ZNF420: variants seen among roughly 807,000 people sequenced by gnomAD.
ZNF420 encodes the protein zinc finger protein 420.
In ZNF420, 31 loss-of-function variants were observed where a neutral mutation model predicts 44.7. The observed-to-expected ratio is 0.69, with a 90% CI of 0.52 to 0.94. The LOEUF (loss-of-function observed/expected upper bound fraction) is 0.94. ZNF420 is among the 40% of genes least tolerant of loss of function. The pLI is 0.00. For synonymous variants in ZNF420, 245 were observed against 267.4 expected (o/e 0.92, Z 0.82); for missense variants, 681 against 827.9 (o/e 0.82, Z 2.18).
At chr19:37,018,434 TAATC>T (rs1020304236) in intron 1 of ZNF420, among the ~76,000 whole-genome samples, 7 of 152,150 alleles carry the variant, frequency 4.6e-5, no homozygotes, top group Non-Finnish European at 7.3e-5. Flanking sequence ...AGTCCAATAT[TAATC>T]AATGCATATA....
chr19:37,117,364 C>A (rs192390894), intron 4 of ZNF420, among the ~76,000 whole-genome samples: 395 of 152,346 alleles, frequency 2.6e-3, no homozygotes, highest in African/African-American at 9.2e-3. Flanking sequence ...CAAACAGGGT[C>A]TGGAGTGGAC....
chr19:37,116,551 G>T (rs1468169029), intron 4 of ZNF420, among the ~76,000 whole-genome samples: 2 of 152,224 alleles, frequency 1.3e-5, no homozygotes, highest in South Asian at 4.2e-4. Flanking sequence ...GGTGATTTCT[G>T]CATTTCCATC....
intron 1 of ZNF420, among the ~76,000 whole-genome samples, chr19:37,014,786 C>T (rs961150828): frequency 3.3e-5 from 5 of 152,196 alleles, no homozygotes; most frequent in Non-Finnish European, 7.4e-5. Context: ...CAGGAGCCCT[C>T]TGTGGCAGTG....
chr19:37,104,163 T>G (rs7253730), intron 4 of ZNF420, among the ~76,000 whole-genome samples: 77,822 of 136,172 alleles, frequency 0.57, 22,386 homozygotes, highest in African/African-American at 0.72. Flanking sequence ...ACAGGCTCCA[T>G]TGTGTGATGT....
At chr19:37,085,422 A>G (rs1230134098) in intron 2 of ZNF420, among the ~76,000 whole-genome samples, 3 of 152,128 alleles carry the variant, frequency 2.0e-5, no homozygotes, top group Non-Finnish European at 2.9e-5. Context: ...CTAAAATCCT[A>G]TGTGTGGGTT....
intron 2 of ZNF420, among the ~76,000 whole-genome samples, chr19:37,081,958 T>C (rs1968489963): frequency 6.6e-6 from 1 of 152,110 alleles, no homozygotes; most frequent in Non-Finnish European, 1.5e-5. Flanking sequence ...TTGTCCCTCA[T>C]AATATTCTTT....
chr19:37,066,215 G>C (rs1345059921), intron 1 of ZNF420, among the ~76,000 whole-genome samples: 1 of 152,160 alleles, frequency 6.6e-6, no homozygotes, highest in South Asian at 2.1e-4. Flanking sequence ...GGCTGCGGCG[G>C]GTGGATCACC....
In ZNF420 at chr19:37,130,183, A is replaced by G. The variant is rs1971589302; in HGVS notation, c.*1125A>G. The G allele has an allele frequency of 1.9e-6, 3 of 1,550,354 alleles. No homozygotes were observed. The highest frequency in any genetic ancestry group is 2.6e-6 in the Non-Finnish European group (3 of 1,146,916). ...CTCTCATGGGGACTTTGAGAATGGT[A>G]TCTGGGTGTTATGGATCATGGAGCA... On this transcript the variant is annotated 3_prime_UTR_variant, in exon 5 of 5. Transcript: ENST00000337995.
At chr19:37,032,961 G>A (rs1329943089) in intron 1 of ZNF420, among the ~76,000 whole-genome samples, 1 of 152,132 alleles carries the variant, frequency 6.6e-6, no homozygotes, top group Non-Finnish European at 1.5e-5. Flanking sequence ...TATAGGAAGA[G>A]AATTAGAAAA....
rs1347914303 is a variant in ZNF420, at chr19:37,078,550, C to T, written c.-145C>T. On this transcript the variant is annotated 5_prime_UTR_variant, in exon 1 of 5. Transcript: ENST00000337995. ...GAACCCGGGAGCCAGATCTTGGACC[C>T]TGAACTGCACCTCTGTCAAGGTAGG... 12 of 152,320 alleles carry T rather than the reference C, an allele frequency of 7.9e-5. No homozygotes were observed. The highest frequency in any genetic ancestry group is 2.9e-4 in the African/African-American group (12 of 41,472). The allele number at this position is 152,320 out of a possible 1,614,324, so 9.4% of individuals were successfully genotyped here.
At chr19:37,076,627 G>T (rs937805818), upstream of ZNF420, among the ~76,000 whole-genome samples, 1 of 152,076 alleles carries the variant, frequency 6.6e-6, no homozygotes, top group Non-Finnish European at 1.5e-5. Flanking sequence ...TGTGGTGTTT[G>T]GTTTTCTGTC....
intron 4 of ZNF420, chr19:37,106,835 G>A (rs1453312270): frequency 2.0e-5 from 3 of 152,200 alleles, no homozygotes; most frequent in Non-Finnish European, 4.4e-5. Context: ...AGAGGGGGAT[G>A]TGGCAGGACA....
upstream of ZNF420, among the ~76,000 whole-genome samples, chr19:37,076,074 A>G (rs1402929081): frequency 1.3e-5 from 2 of 152,192 alleles, no homozygotes; most frequent in African/African-American, 2.4e-5. Flanking sequence ...AAAAAATCAC[A>G]TATCAACACA....
At chr19:37,075,837 TTC>T (rs1968137642), upstream of ZNF420, among the ~76,000 whole-genome samples, 1 of 152,114 alleles carries the variant, frequency 6.6e-6, no homozygotes, top group Non-Finnish European at 1.5e-5. Context: ...TGACATTTAC[TTC>T]TCCCCCTTTA....
At chr19:37,099,469 G>C (rs1339687691) in intron 4 of ZNF420, among the ~76,000 whole-genome samples, 1 of 152,092 alleles carries the variant, frequency 6.6e-6, no homozygotes, top group Non-Finnish European at 1.5e-5. Context: ...TTTGCCATTT[G>C]TATGTCTTGA....
Position 37,130,174 on chromosome 19 carries a change from G to C in ZNF420, c.*1116G>C, listed in dbSNP as rs1568486628. On this transcript the variant is annotated 3_prime_UTR_variant, in exon 5 of 5. Transcript: ENST00000337995. ...GCTCCGTTACTCTCATGGGGACTTTGAGAATGGTATCTGGGTGTTATGGAT... is the reference window on the plus strand; with the variant it reads ...GCTCCGTTACTCTCATGGGGACTTTCAGAATGGTATCTGGGTGTTATGGAT... 3 of 1,550,264 alleles carry C rather than the reference G, an allele frequency of 1.9e-6. No individual in the cohort carries two copies. The highest frequency in any genetic ancestry group is 1.2e-5 in the South Asian group (1 of 84,042).
At chr19:37,058,746 C>T (rs1967806042) in intron 1 of ZNF420, among the ~76,000 whole-genome samples, 1 of 152,162 alleles carries the variant, frequency 6.6e-6, no homozygotes, top group Admixed American at 6.5e-5. Context: ...CTCGCAATCA[C>T]CCCATATGGC....
chr19:37,051,054 C>A (rs1967630759), intron 1 of ZNF420, among the ~76,000 whole-genome samples: 1 of 152,192 alleles, frequency 6.6e-6, no homozygotes, highest in South Asian at 2.1e-4. Context: ...ACCAGCCTTG[C>A]ATGCCAGGGA....
At chr19:37,083,125 C>T (rs1424888275) in intron 2 of ZNF420, among the ~76,000 whole-genome samples, 3 of 150,726 alleles carry the variant, frequency 2.0e-5, no homozygotes, top group Non-Finnish European at 2.9e-5. Context: ...TCCCAAAGTG[C>T]TGGGATTACA....
Sources: allele counts gnomAD v4.1 joint callset (sites outside exome capture counted in the v4.1 genomes callset), GRCh38; gene constraint gnomAD v4.1.1; transcripts MANE v1.5; gene names NCBI Gene and HGNC (gene_info 2026-07-23, HGNC 2026-07-21).